The following DACH2 variants were observed in gnomAD, a reference collection of about 807,000 sequenced individuals.
The protein encoded by DACH2 is dachshund homolog 2.
A neutral mutation model predicts 35.8 loss-of-function variants in DACH2; 17 were observed. The ratio of observed to expected loss-of-function variants is 0.48; its 90% CI spans 0.33 to 0.71. The LOEUF (loss-of-function observed/expected upper bound fraction) is 0.71. DACH2 is among the 30% of genes least tolerant of loss of function. The probability of loss-of-function intolerance (pLI) is 0.02; values close to 1 mark genes in which losing one functional copy is unlikely to be tolerated. For synonymous variants in DACH2, 195 were observed against 177.3 expected, an observed-to-expected ratio of 1.10 and a Z score of -0.79; for missense variants, 469 against 472.7, an observed-to-expected ratio of 0.99 and a Z score of 0.07.
chrX:86,750,955 C>G (rs890617815), intron 7 of DACH2, among the ~76,000 whole-genome samples: 2 of 111,199 alleles, frequency 1.8e-5, no homozygotes, highest in Admixed American at 1.9e-4. Context: ...GTTTTATACC[C>G]GGAAGTGGAA....
chrX:86,307,726 C>T lies in DACH2; in HGVS notation c.489-69098C>T, dbSNP rs1468867084. Among the ~76,000 whole-genome samples the T allele has an allele frequency of 1.3e-4, 14 of 111,070 alleles. No homozygotes were observed. The Admixed American group carries it at 1.3e-3, about 11-fold the overall frequency. On this transcript the variant is annotated intron_variant, in intron 1 of 11. Coordinates refer to ENST00000373125, the MANE Select transcript of DACH2 (RefSeq NM_053281.3). The stretch of plus-strand genomic sequence containing the variant: ...TCACTAGACTAAAGTCATGGTGGGC[C>T]CCTAGAGGTGAGGTTGAAAGTGTGA...
intron 1 of DACH2, among the ~76,000 whole-genome samples, chrX:86,341,431 A>G (rs1443942075): frequency 1.8e-5 from 2 of 111,891 alleles, no homozygotes; most frequent in African/African-American, 6.5e-5. Flanking sequence ...CCCACTATTG[A>G]AACCTACTGT....
chrX:86,810,863 G>T (rs897152396), intron 7 of DACH2, among the ~76,000 whole-genome samples: 1 of 111,151 alleles, frequency 9.0e-6, no homozygotes, highest in African/African-American at 3.3e-5. Context: ...AAAAAAAAAA[G>T]TAGAGAGGCA....
intron 3 of DACH2, among the ~76,000 whole-genome samples, chrX:86,576,507 G>A (rs1460645696): frequency 2.7e-5 from 3 of 111,403 alleles, no homozygotes; most frequent in Non-Finnish European, 5.7e-5. Context: ...AAGTTTTACT[G>A]CAAACGATTA....
chrX:86,267,381 G>C (rs1325010462), intron 1 of DACH2, among the ~76,000 whole-genome samples: 3 of 111,788 alleles, frequency 2.7e-5, no homozygotes, highest in Non-Finnish European at 5.7e-5. Flanking sequence ...TGTGTTTATG[G>C]AATTTTATGT....
intron 5 of DACH2, among the ~76,000 whole-genome samples, chrX:86,710,545 TA>T (rs1002567075): frequency 8.9e-6 from 1 of 112,209 alleles, no homozygotes; most frequent in African/African-American, 3.2e-5. Flanking sequence ...TTTATTAATC[TA>T]AGACTGCTCT....
At chrX:86,459,024 A>C (rs762027498) in intron 2 of DACH2, among the ~76,000 whole-genome samples, 2 of 111,763 alleles carry the variant, frequency 1.8e-5, no homozygotes, top group African/African-American at 6.5e-5. Flanking sequence ...ATAATAAAAA[A>C]CTTATTAAAT....
intron 1 of DACH2, among the ~76,000 whole-genome samples, chrX:86,192,703 C>A (rs2031866420): frequency 8.9e-6 from 1 of 112,058 alleles, no homozygotes; most frequent in Non-Finnish European, 1.9e-5. Context: ...CAGGAATAGT[C>A]AATTGCCAGT....
chrX:86,566,440 A>C (rs1227307589), intron 3 of DACH2, among the ~76,000 whole-genome samples: 1 of 111,527 alleles, frequency 9.0e-6, no homozygotes, highest in Non-Finnish European at 1.9e-5. Context: ...CAGATAGAAA[A>C]GCCAAACAAA....
At chrX:86,487,446 C>T (rs985702018) in intron 2 of DACH2, among the ~76,000 whole-genome samples, 4 of 111,568 alleles carry the variant, frequency 3.6e-5, no homozygotes, top group African/African-American at 1.3e-4. Flanking sequence ...GCCATGTGTG[C>T]CTAAGGTGGT....
chrX:86,768,200 G>A (rs1199433720), intron 7 of DACH2, among the ~76,000 whole-genome samples: 1 of 111,462 alleles, frequency 9.0e-6, no homozygotes, highest in Non-Finnish European at 1.9e-5. Flanking sequence ...AACTAAAGCT[G>A]TGTTTTCTGT....
chrX:86,754,716 G>A (rs2041809825), intron 7 of DACH2, among the ~76,000 whole-genome samples: 1 of 111,250 alleles, frequency 9.0e-6, no homozygotes, highest in Non-Finnish European at 1.9e-5. Context: ...ACTAAACATA[G>A]TTACCTCCAA....
intron 1 of DACH2, among the ~76,000 whole-genome samples, chrX:86,207,239 G>T (rs1013584815): frequency 1.4e-4 from 16 of 111,540 alleles, no homozygotes; most frequent in African/African-American, 5.2e-4. Flanking sequence ...TTCCGTCTCT[G>T]TTGCCAAGAA....
chrX:86,755,853 T>G (rs1343545540), intron 7 of DACH2, among the ~76,000 whole-genome samples: 1 of 110,516 alleles, frequency 9.0e-6, no homozygotes, highest in Non-Finnish European at 1.9e-5. Flanking sequence ...CGCCTCAGCC[T>G]CTCAAAGTGC....
chrX:86,160,846 C>A, intron 1 of DACH2: 1 of 505,968 alleles, frequency 2.0e-6, no homozygotes, highest in South Asian at 3.0e-5. Flanking sequence ...TTGAGAACAC[C>A]AGTCTTCACT....
At chrX:86,262,550 G>A (rs1302375639) in intron 1 of DACH2, among the ~76,000 whole-genome samples, 1 of 110,782 alleles carries the variant, frequency 9.0e-6, no homozygotes, top group Non-Finnish European at 1.9e-5. Flanking sequence ...GATGACTATA[G>A]GGAGCAGGTG....
At chrX:86,400,959 G>T (rs66524347) in intron 2 of DACH2, among the ~76,000 whole-genome samples, 5 of 112,030 alleles carry the variant, frequency 4.5e-5, no homozygotes, top group African/African-American at 1.3e-4. Context: ...TTTGTTTGTC[G>T]GTGCCCTGCA....
At chrX:86,253,994 T>C (rs1359283311) in intron 1 of DACH2, among the ~76,000 whole-genome samples, 2 of 112,135 alleles carry the variant, frequency 1.8e-5, no homozygotes, top group Non-Finnish European at 3.8e-5. Context: ...GTAAGATGTA[T>C]TGGGTTTCTA....
Position 86,681,054 on chromosome X carries a change from G to GTCTA in DACH2, c.773-13949_773-13946dup, listed in dbSNP as rs752234094. Among the ~76,000 whole-genome samples, 114 of 110,459 alleles carry GTCTA rather than the reference G, an allele frequency of 1.0e-3. 2 individuals carry two copies. The East Asian group carries it at 0.013, about 12-fold the overall frequency. ...TATGTATCTATCTATCTGTGTGTCT[G>GTCTA]TCTATCTATCTATCTATCTATATGT... On this transcript the variant is annotated intron_variant, in intron 4 of 11. Transcript: ENST00000373125.
Sources: gnomAD v4.1 joint callset for allele counts (sites outside exome capture counted in the v4.1 genomes callset) on GRCh38, gnomAD v4.1.1 for gene constraint, MANE v1.5 for transcripts, NCBI Gene and HGNC (gene_info 2026-07-23, HGNC 2026-07-21) for gene names.